ARHGAP21: variants seen among roughly 807,000 people sequenced by gnomAD.
ARHGAP21 encodes Rho GTPase activating protein 21.
In ARHGAP21, 38 loss-of-function variants were observed where a neutral mutation model predicts 164.6. The ratio of observed to expected loss-of-function variants is 0.23; its 90% CI spans 0.18 to 0.30. The LOEUF (loss-of-function observed/expected upper bound fraction) is 0.30. Among genes scored for constraint, ARHGAP21 ranks in the 10% least tolerant of loss-of-function variants. ARHGAP21 has a pLI of 1.00. For synonymous variants in ARHGAP21, 766 were observed against 857.9 expected, an observed-to-expected ratio of 0.89 and a Z score of 1.87; for missense variants, 1,822 against 2,370.7, an observed-to-expected ratio of 0.77 and a Z score of 4.81.
intron 13 of ARHGAP21, among the ~76,000 whole-genome samples, chr10:24,601,492 A>G (rs1482034698): frequency 1.3e-5 from 2 of 152,212 alleles, no homozygotes; most frequent in Non-Finnish European, 2.9e-5. Context: ...TTTTATGGCA[A>G]AGTCTTTTTC....
intron 2 of ARHGAP21, among the ~76,000 whole-genome samples, chr10:24,703,185 A>C (rs1442450494): frequency 1.3e-5 from 2 of 152,216 alleles, no homozygotes; most frequent in African/African-American, 4.8e-5. Context: ...GTTGAATTTG[A>C]AGGATTTAAT....
At chr10:24,679,890 G>A (rs548243518) in intron 2 of ARHGAP21, among the ~76,000 whole-genome samples, 5 of 152,102 alleles carry the variant, frequency 3.3e-5, no homozygotes, top group Admixed American at 1.3e-4. Context: ...CCATTAACTC[G>A]TCATTTAACA....
At position 24,714,988 on chromosome 10, in the gene ARHGAP21, C is replaced by T. The variant is rs888539495; in HGVS notation, c.63+6849G>A. Among the ~76,000 whole-genome samples, 6 of 151,264 alleles carry T rather than the reference C, an allele frequency of 4.0e-5. No individual in the cohort carries two copies. In the East Asian group the frequency reaches 1.2e-3, roughly 29 times the overall value. On this transcript the variant is annotated intron_variant, in intron 2 of 25. Coordinates refer to ENST00000396432, the MANE Select transcript of ARHGAP21 (RefSeq NM_020824.4). ...GAGCTTTCAGTGAGCCAAGATCACG[C>T]CACTGCACTCCAGCCTGGGCGACAG...
intron 7 of ARHGAP21, among the ~76,000 whole-genome samples, chr10:24,623,776 G>A (rs1192633515): frequency 3.3e-5 from 5 of 152,188 alleles, no homozygotes; most frequent in Admixed American, 1.3e-4. Context: ...AAACCACGAC[G>A]ACACTAATGT....
chr10:24,710,769 T>C (rs1056663144), intron 2 of ARHGAP21, among the ~76,000 whole-genome samples: 10 of 152,172 alleles, frequency 6.6e-5, no homozygotes, highest in Admixed American at 5.9e-4. Flanking sequence ...TCATCAGTTG[T>C]AGGCAAAACA....
chr10:24,588,678 C>T (rs11592796), intron 25 of ARHGAP21, among the ~76,000 whole-genome samples: 10 of 152,126 alleles, frequency 6.6e-5, no homozygotes, highest in African/African-American at 2.4e-4. Context: ...AAAAAACTTT[C>T]TAAGAACTAT....
intron 4 of ARHGAP21, among the ~76,000 whole-genome samples, chr10:24,649,427 T>G: frequency 6.6e-6 from 1 of 152,060 alleles, no homozygotes; most frequent in East Asian, 1.9e-4. Flanking sequence ...TCTCCCGCAC[T>G]TAAGAGGAAG....
At chr10:24,590,922 T>C (rs980188717) in intron 24 of ARHGAP21, 9 of 970,536 alleles carry the variant, frequency 9.3e-6, no homozygotes, top group Non-Finnish European at 1.1e-5. Flanking sequence ...TGATGACTAT[T>C]ACATGGAAAC....
intron 2 of ARHGAP21, among the ~76,000 whole-genome samples, chr10:24,687,066 T>C (rs1421847957): frequency 6.6e-6 from 1 of 151,850 alleles, no homozygotes; most frequent in African/African-American, 2.4e-5. Context: ...AAATACAAAA[T>C]TTAGCCAGGT....
chr10:24,672,233 A>C (rs1247012238), intron 2 of ARHGAP21, among the ~76,000 whole-genome samples: 9 of 152,054 alleles, frequency 5.9e-5, no homozygotes. Context: ...TGACTTCCAC[A>C]TTTTAAACTA....
At chr10:24,592,055 A>C in intron 21 of ARHGAP21, 43 bp from the exon 22 acceptor site, 1 of 1,479,368 alleles carries the variant, frequency 6.8e-7, no homozygotes, top group Admixed American at 2.2e-5. Flanking sequence ...AATTTTTCTT[A>C]AGGAAGTAGG....
chr10:24,670,077 T>C (rs1447649743), intron 3 of ARHGAP21, 141 bp downstream of exon 3: 6 of 498,136 alleles, frequency 1.2e-5, no homozygotes, highest in Non-Finnish European at 2.0e-5. Context: ...AGGAGAAAAA[T>C]AATATAATAA....
chr10:24,687,120 G>C (rs1450404869), intron 2 of ARHGAP21, among the ~76,000 whole-genome samples: 1 of 45,218 alleles, frequency 2.2e-5, no homozygotes, highest in East Asian at 4.7e-4. Context: ...GGAGGCTGAG[G>C]TGGGAGGGTG....
At chr10:24,695,050 C>CAAAAAAAAAAAAAAAAAAAA (rs570457905) in intron 2 of ARHGAP21, among the ~76,000 whole-genome samples, 12 of 78,504 alleles carry the variant, frequency 1.5e-4, no homozygotes, top group Admixed American at 3.3e-4. Context: ...AATTCCATCT[C>CAAAAAAAAAAAAAAAAAAAA]AAAAAAAAAA....
chr10:24,619,933 G>A lies in ARHGAP21; in HGVS notation c.1962C>T (p.His654=), dbSNP rs1199836998. Residue 654 remains histidine (H), a synonymous_variant, in exon 9 of 26, where the codon CAC becomes CAT. Transcript: ENST00000396432. The part of the protein sequence containing the change: ...VSIKDQRPVN[H]LHQNSLLNQQ... ...GATTCAACAGACTGTTCTGATGCAA[G>A]TGATTTACTGGTCTTTGGTCTTTGA... 1 of 1,614,162 alleles carries A rather than the reference G, an allele frequency of 6.2e-7. No homozygotes were observed. Among genetic ancestry groups the A allele is most frequent in the South Asian group, 1.1e-5 (1 of 91,068 alleles).
chr10:24,721,706 C>T lies in ARHGAP21; in HGVS notation c.63+131G>A, dbSNP rs532880743. The T allele has an allele frequency of 6.1e-6, 6 of 980,440 alleles. No homozygotes were observed. In the East Asian group the frequency reaches 1.3e-4, roughly 21 times the overall value. The allele number at this position is 980,440 out of a possible 1,614,324, so 60.7% of individuals were successfully genotyped here. A position where few individuals can be genotyped will look rare whatever the true frequency, so the allele number is the denominator to read the frequency against. On this transcript the variant is annotated intron_variant, in intron 2 of 25. Transcript: ENST00000396432. Reference sequence around the variant, plus strand: ...CTCCTCGCTACTGGTTAAGCTGGGGCGCTCCCGCCAACAGGCTCAAAGCCC... The same window carrying T: ...CTCCTCGCTACTGGTTAAGCTGGGGTGCTCCCGCCAACAGGCTCAAAGCCC...
At chr10:24,635,637 C>T (rs1173648321) in intron 4 of ARHGAP21, among the ~76,000 whole-genome samples, 1 of 152,184 alleles carries the variant, frequency 6.6e-6, no homozygotes, top group Admixed American at 6.5e-5. Flanking sequence ...ACCTCCACAT[C>T]CCGGGTTCGA....
At chr10:24,669,920 A>G (rs1840538434) in intron 3 of ARHGAP21, among the ~76,000 whole-genome samples, 1 of 152,224 alleles carries the variant, frequency 6.6e-6, no homozygotes, top group South Asian at 2.1e-4. Context: ...CTTTCTAGAT[A>G]ATAAACAGTT....
At chr10:24,716,246 T>G (rs186447475) in intron 2 of ARHGAP21, among the ~76,000 whole-genome samples, 65 of 152,204 alleles carry the variant, frequency 4.3e-4, no homozygotes, top group African/African-American at 1.5e-3. Context: ...CAAAATCAAA[T>G]GCATAAGCAT....
Sources: gnomAD v4.1 joint callset for allele counts (sites outside exome capture counted in the v4.1 genomes callset) on GRCh38, gnomAD v4.1.1 for gene constraint, MANE v1.5 for transcripts, NCBI Gene and HGNC (gene_info 2026-07-23, HGNC 2026-07-21) for gene names.